MAX: variants seen among roughly 807,000 people sequenced by gnomAD.
MAX encodes protein max.
MAX carries 3 observed loss-of-function variants against 22.3 expected under a neutral mutation model. The observed-to-expected ratio is 0.13, with a 90% CI of 0.06 to 0.35. MAX has a LOEUF of 0.35. Ranked by LOEUF, MAX falls within the 10% of genes least tolerant of loss-of-function variation. The pLI, the probability that MAX is intolerant of heterozygous loss-of-function variation, is 1.00. For missense variants in MAX, 119 were observed against 209.4 expected (o/e 0.57, Z 2.66); for synonymous variants, 72 against 77.7 (o/e 0.93, Z 0.39).
At chr14:65,086,608 T>C (rs915765058) in intron 3 of MAX, among the ~76,000 whole-genome samples, 1 of 152,088 alleles carries the variant, frequency 6.6e-6, no homozygotes, top group East Asian at 1.9e-4. Flanking sequence ...CAGAGATGAT[T>C]TAGGGTATCT....
rs372199646 is a variant in MAX at position 65,077,791 on chromosome 14, G to A, written c.295+122C>T. 367 of 1,613,802 alleles carry A rather than the reference G, an allele frequency of 2.3e-4. No individual in the cohort carries two copies. The highest frequency in any genetic ancestry group is 3.0e-4 in the Non-Finnish European group (349 of 1,179,990). Reference sequence around the variant, plus strand: ...TCAGTTACTCAGGCCCCAAGAAGCAGGACCAAGCCTGCTACTGAGCACATA... The same window carrying A: ...TCAGTTACTCAGGCCCCAAGAAGCAAGACCAAGCCTGCTACTGAGCACATA... On this transcript the variant is annotated intron_variant, in intron 4 of 4. Transcript: ENST00000358664. The surrounding 1 kb of genome is among the most constrained non-coding windows in gnomAD (Gnocchi z 6.3).
Position 65,102,446 on chromosome 14 carries a change from C to A in MAX, c.-107G>T. The stretch of plus-strand genomic sequence containing the variant: ...ACAAGCCGAGTCCCCCCCACACACA[C>A]ACTCACTCACTCACTCACTCGCTCT... On this transcript the variant is annotated 5_prime_UTR_variant, in exon 1 of 5. Coordinates refer to ENST00000358664, the MANE Select transcript of MAX (RefSeq NM_002382.5). 3 of 1,495,276 alleles carry A rather than the reference C, an allele frequency of 2.0e-6. No homozygotes were observed. The highest frequency in any genetic ancestry group is 4.9e-5 in the East Asian group (2 of 40,414). The allele number at this position is 1,495,276 out of a possible 1,614,324, so 92.6% of individuals were successfully genotyped here.
intron 3 of MAX, among the ~76,000 whole-genome samples, chr14:65,010,529 A>G (rs900335504): frequency 7.9e-5 from 12 of 152,238 alleles, no homozygotes; most frequent in Non-Finnish European, 1.6e-4. Context: ...CAACTGGGTC[A>G]GCTCCTCAGA....
chr14:65,048,325 T>TAA lies in MAX; in HGVS notation c.172-42043_172-42042dup, dbSNP rs59114641. Among the ~76,000 whole-genome samples, 52 of 145,150 alleles carry TAA rather than the reference T, an allele frequency of 3.6e-4. 1 individual carries two copies. The highest frequency in any genetic ancestry group is 1.4e-3 in the Admixed American group (21 of 14,628). On this transcript the variant is annotated intron_variant, in intron 3 of 3. Transcript: ENST00000341653. ...ATCCTTCTGTATTATACTGTGCCTT[T>TAA]AAAAAAAAAAAAACCATGTGCATTA...
chr14:65,102,053 C>T (rs1046308957), intron 1 of MAX, among the ~76,000 whole-genome samples: 1 of 152,210 alleles, frequency 6.6e-6, no homozygotes, highest in Non-Finnish European at 1.5e-5. Context: ...GCCGCAGCAC[C>T]CTCCCGCAAG....
chr14:65,091,255 G>A (rs2063501483), intron 3 of MAX, among the ~76,000 whole-genome samples: 1 of 152,140 alleles, frequency 6.6e-6, no homozygotes, highest in South Asian at 2.1e-4. Flanking sequence ...AAGTCTAAGG[G>A]ACCAAAATAT....
Position 65,079,684 on chromosome 14 carries a change from C to T in MAX, c.172-1648G>A, listed in dbSNP as rs990416814. 6.6e-6 allele frequency among the ~76,000 whole-genome samples: 1 copy of T among 152,094 alleles called. No individual in the cohort carries two copies. The highest frequency in any genetic ancestry group is 2.4e-5 in the African/African-American group (1 of 41,392). On this transcript the variant is annotated intron_variant, in intron 3 of 4. Coordinates refer to ENST00000358664, the MANE Select transcript of MAX (RefSeq NM_002382.5). The surrounding 1 kb of genome is among the most constrained non-coding windows in gnomAD (Gnocchi z 4.5). ...GTCCTAAACAACCAGAACACAACAG[C>T]GGGAGAAAGACAAAGAAAACATGTA...
intron 3 of MAX, among the ~76,000 whole-genome samples, chr14:65,065,527 G>A (rs2062923464): frequency 6.6e-6 from 1 of 152,114 alleles, no homozygotes; most frequent in South Asian, 2.1e-4. Context: ...GTTGCTCCTA[G>A]GCTACAAACC....
rs977648950 is a variant in MAX, at chr14:65,011,887, G to A, written c.172-5603C>T. Among the ~76,000 whole-genome samples, 32 of 152,192 alleles carry A rather than the reference G, an allele frequency of 2.1e-4. No individual in the cohort carries two copies. The highest frequency in any genetic ancestry group is 6.8e-4 in the African/African-American group (28 of 41,436). On this transcript the variant is annotated intron_variant, in intron 3 of 3. Coordinates refer to the MAX transcript ENST00000341653. This position sits in a 1 kb window ranked among gnomAD's most constrained non-coding sequence, Gnocchi z 4.0. ...CCTTGGAGAAGTCATCCCAGACGGG[G>A]TGACTGAAATGACAGCGGCTGAGGC...
intron 3 of MAX, among the ~76,000 whole-genome samples, chr14:65,015,139 G>A (rs961981540): frequency 3.5e-5 from 5 of 143,982 alleles, no homozygotes; most frequent in African/African-American, 1.3e-4. Context: ...GTCTTGCTCT[G>A]TCGCCTAGGC....
Position 65,044,743 on chromosome 14 carries a change from G to A in MAX, c.172-38459C>T, listed in dbSNP as rs560462864. 2.1e-3 allele frequency: 817 copies of A among 389,990 alleles called. 8 individuals carry two copies. Among genetic ancestry groups the A allele is most frequent in the Non-Finnish European group, 1.9e-3 (420 of 218,514 alleles). 24.2% of individuals were successfully genotyped at this position (389,990 alleles called of 1,614,324 possible). A position where few individuals can be genotyped will look rare whatever the true frequency, so the allele number is the denominator to read the frequency against. On this transcript the variant is annotated intron_variant, in intron 3 of 3. Coordinates refer to the MAX transcript ENST00000341653. The surrounding 1 kb of genome is among the most constrained non-coding windows in gnomAD (Gnocchi z 5.5). ...GCTTCTGCGTTATCTGGAAGGAGCA[G>A]CCCACTCCTGTCCTGGGCTCTGTGG...
chr14:65,058,854 G>A lies in MAX; in HGVS notation c.171+34854C>T, dbSNP rs545049677. On this transcript the variant is annotated intron_variant, in intron 3 of 3. Coordinates refer to the MAX transcript ENST00000341653. The stretch of plus-strand genomic sequence containing the variant: ...TTTGTTCAGTATACTGCTGGATTCA[G>A]TTTGCCAGTATGTTTGCCTAGTACT... Among the ~76,000 whole-genome samples, 95 of 152,272 alleles carry A rather than the reference G, an allele frequency of 6.2e-4. 1 individual carries two copies. The highest frequency in any genetic ancestry group is 1.1e-3 in the Non-Finnish European group (78 of 68,012).
Position 65,009,032 on chromosome 14 carries a change from C to T in MAX, c.172-2748G>A, listed in dbSNP as rs2061642208. 6.6e-6 allele frequency among the ~76,000 whole-genome samples: 1 copy of T among 152,186 alleles called. No individual in the cohort carries two copies. Among genetic ancestry groups the T allele is most frequent in the African/African-American group, 2.4e-5 (1 of 41,444 alleles). On this transcript the variant is annotated intron_variant, in intron 3 of 3. Coordinates refer to the MAX transcript ENST00000341653. The surrounding 1 kb of genome is among the most constrained non-coding windows in gnomAD (Gnocchi z 4.2). ...CCTGCACGAAACCTGTCTTATTCTG[C>T]TCCATGTAATTGAATGGTTTTGGGG...
At position 65,035,530 on chromosome 14, in the gene MAX, TTCTC is replaced by T. The variant is rs145538241; in HGVS notation, c.172-29250_172-29247del. 6.7e-3 allele frequency among the ~76,000 whole-genome samples: 1,021 copies of T among 152,240 alleles called. 12 individuals are homozygous for T. Among genetic ancestry groups the T allele is most frequent in the African/African-American group, 0.023 (939 of 41,528 alleles). ...CCTTCTTTCTTCCTCTGTCTTTCAA[TTCTC>T]TCTTTCTTTTTTTGAGACCGAGTCT... On this transcript the variant is annotated intron_variant, in intron 3 of 3. Coordinates refer to the MAX transcript ENST00000341653.
At chr14:65,021,947 A>C (rs1316296758) in intron 3 of MAX, 1 of 455,914 alleles carries the variant, frequency 2.2e-6, no homozygotes, top group Non-Finnish European at 4.4e-6. Flanking sequence ...CGCCCGGCCT[A>C]TAGTAGCCAA....
chr14:65,095,125 T>C (rs796413352), intron 2 of MAX, among the ~76,000 whole-genome samples: 3 of 152,304 alleles, frequency 2.0e-5, no homozygotes, highest in African/African-American at 7.2e-5. Context: ...ATCCTAAAAG[T>C]CCCAGTCATT....
intron 3 of MAX, among the ~76,000 whole-genome samples, chr14:65,058,915 A>G (rs1783194631): frequency 6.6e-6 from 1 of 152,188 alleles, no homozygotes; most frequent in Admixed American, 6.5e-5. Context: ...CATTCATAAG[A>G]AAGATTGATC....
rs2062507219 is a variant in MAX, at chr14:65,047,334, T to G, written c.172-41050A>C. On this transcript the variant is annotated intron_variant, in intron 3 of 3. Transcript: ENST00000341653. The surrounding 1 kb of genome is among the most constrained non-coding windows in gnomAD (Gnocchi z 5.2). ...AATACCTGATTGGCACTCACAAGGG[T>G]TAGTATGTGGTTGTGTGAATCCAGA... 6.6e-6 allele frequency among the ~76,000 whole-genome samples: 1 copy of G among 152,184 alleles called. No homozygotes were observed. Among genetic ancestry groups the G allele is most frequent in the Non-Finnish European group, 1.5e-5 (1 of 68,026 alleles).
intron 3 of MAX, chr14:65,061,253 C>G: frequency 1.2e-6 from 2 of 1,614,178 alleles, no homozygotes; most frequent in East Asian, 4.5e-5. Context: ...TCTACAGAAG[C>G]CAGTCCCAGG....
Sources: allele counts gnomAD v4.1 joint callset (sites outside exome capture counted in the v4.1 genomes callset), GRCh38; gene constraint gnomAD v4.1.1; non-coding constraint Gnocchi (gnomAD v3.1); transcripts MANE v1.5; gene names NCBI Gene and HGNC (gene_info 2026-07-23, HGNC 2026-07-21).